The following PCNX1 variants were observed in gnomAD, a reference collection of about 807,000 sequenced individuals.
PCNX1 encodes the protein pecanex-like protein 1.
PCNX1 carries 78 observed loss-of-function variants against 242.2 expected under a neutral mutation model. That is an observed-to-expected ratio of 0.32 (90% CI 0.27 to 0.39). The LOEUF is 0.39. Ranked by LOEUF, PCNX1 falls within the 10% of genes least tolerant of loss-of-function variation. The pLI, the probability that PCNX1 is intolerant of heterozygous loss-of-function variation, is 1.00. For synonymous variants in PCNX1, 1,024 were observed against 1,032.9 expected (o/e 0.99, Z 0.17); for missense variants, 2,581 against 2,856.5 (o/e 0.90, Z 2.20).
chr14:71,059,203 T>C (rs2061260953), intron 26 of PCNX1, among the ~76,000 whole-genome samples: 1 of 152,202 alleles, frequency 6.6e-6, no homozygotes, highest in East Asian at 1.9e-4. Context: ...AGAAAAGTTA[T>C]CCAGATTTTT....
chr14:71,034,239 T>G (rs1323043646), intron 18 of PCNX1, among the ~76,000 whole-genome samples: 2 of 152,176 alleles, frequency 1.3e-5, no homozygotes, highest in African/African-American at 2.4e-5. Flanking sequence ...TTGGTTTGTG[T>G]GTAGAACAGA....
chr14:71,036,129 A>G lies in PCNX1; in HGVS notation c.3839A>G (p.His1280Arg). 1 of 1,604,396 alleles carries G rather than the reference A, an allele frequency of 6.2e-7. No individual in the cohort carries two copies. Among genetic ancestry groups the G allele is most frequent in the Admixed American group, 1.7e-5 (1 of 59,982 alleles). Residue 1280 changes from histidine to arginine, a missense_variant, in exon 19 of 36, where the codon CAT becomes CGT. Physicochemically the swap from His to Arg is conservative, Grantham distance 29 (BLOSUM62 0). Coordinates refer to ENST00000304743, the MANE Select transcript of PCNX1 (RefSeq NM_014982.3). The stretch of plus-strand genomic sequence containing the variant: ...ATTGGTGTGCTGTATTTTGCTATTC[A>G]TGTAAGCACAGTCTTCACAGTATTG... ...IVIGVLYFAIHVSTVFTVLQP... is the reference protein window; with the variant it reads ...IVIGVLYFAIRVSTVFTVLQP...
intron 1 of PCNX1, among the ~76,000 whole-genome samples, chr14:70,910,920 A>G (rs1444668771): frequency 4.6e-5 from 7 of 152,194 alleles, no homozygotes; most frequent in Admixed American, 4.6e-4. Context: ...AGGAAAGGGT[A>G]AGTAAAGAGG....
chr14:71,050,412 G>A (rs2060993885), intron 22 of PCNX1, among the ~76,000 whole-genome samples: 1 of 151,990 alleles, frequency 6.6e-6, no homozygotes, highest in African/African-American at 2.4e-5. Flanking sequence ...TTAAACAGAT[G>A]AAACATAAAT....
rs1470403334 is a variant in PCNX1, at chr14:71,013,006, T to C, written c.2800T>C (p.Leu934=). 3.7e-6 allele frequency: 6 copies of C among 1,613,614 alleles called. No homozygotes were observed. Among genetic ancestry groups the C allele is most frequent in the African/African-American group, 1.3e-5 (1 of 74,906 alleles). The change falls in exon 11 of 36, where the codon TTG becomes CTG. Residue 934 remains leucine, a synonymous_variant. Transcript: ENST00000304743. ...HDVLSLPQIR[L]NRLLTIDTDL... ...TTAGCTCTCTCTCCCACAGATTCGA[T>C]TGAATAGACTATTGACCATTGATAC...
At chr14:70,912,433 T>C (rs1429486142) in intron 1 of PCNX1, among the ~76,000 whole-genome samples, 2 of 152,038 alleles carry the variant, frequency 1.3e-5, no homozygotes, top group Non-Finnish European at 2.9e-5. Context: ...TTGATCAATA[T>C]TCCTAACTAC....
chr14:70,987,707 G>C (rs935936399), intron 6 of PCNX1, among the ~76,000 whole-genome samples: 1 of 152,030 alleles, frequency 6.6e-6, no homozygotes, highest in Middle Eastern at 3.2e-3. Flanking sequence ...AACCCAAATC[G>C]GTCAATTTTT....
intron 2 of PCNX1, among the ~76,000 whole-genome samples, chr14:70,953,849 G>C (rs1466357291): frequency 2.0e-5 from 3 of 151,740 alleles, no homozygotes; most frequent in African/African-American, 7.3e-5. Context: ...TGTATTTTTA[G>C]TAGAGTTGGG....
intron 7 of PCNX1, among the ~76,000 whole-genome samples, chr14:70,991,147 A>G (rs981166412): frequency 6.7e-6 from 1 of 149,156 alleles, no homozygotes; most frequent in Non-Finnish European, 1.5e-5. Flanking sequence ...CAATTTTCCC[A>G]TGTTTTTCTA....
intron 28 of PCNX1, among the ~76,000 whole-genome samples, chr14:71,079,979 T>A (rs2061812224): frequency 6.6e-6 from 1 of 152,234 alleles, no homozygotes; most frequent in Non-Finnish European, 1.5e-5. Context: ...TGCCTAGGTT[T>A]TCTTCTAGAG....
intron 2 of PCNX1, among the ~76,000 whole-genome samples, chr14:70,949,509 T>G (rs2057693146): frequency 6.6e-6 from 1 of 152,072 alleles, no homozygotes; most frequent in African/African-American, 2.4e-5. Flanking sequence ...ATTGTGATAT[T>G]TTACTTGACA....
chr14:70,993,357 T>G (rs1014477163), intron 7 of PCNX1, among the ~76,000 whole-genome samples: 4 of 152,026 alleles, frequency 2.6e-5, no homozygotes, highest in Non-Finnish European at 5.9e-5. Context: ...CTCGATCTCC[T>G]GACCTTGTGA....
chr14:71,110,652 AGTGTGTACTTCAT>A lies in PCNX1; in HGVS notation c.*719_*731del, dbSNP rs1566816458. 1 of 152,342 alleles carries A rather than the reference AGTGTGTACTTCAT, an allele frequency of 6.6e-6. No homozygotes were observed. The highest frequency in any genetic ancestry group is 1.5e-5 in the Non-Finnish European group (1 of 68,130). 9.4% of individuals were successfully genotyped at this position (152,342 alleles called of 1,614,324 possible). A position where few individuals can be genotyped will look rare whatever the true frequency, so the allele number is the denominator to read the frequency against. On this transcript the variant is annotated 3_prime_UTR_variant, in exon 36 of 36. Transcript: ENST00000304743. ...CTGTGCTGCTCATTTTTCTGTTAGT[AGTGTGTACTTCAT>A]GCCAGGACATTGGGTATTTTCTTTA...
intron 23 of PCNX1, among the ~76,000 whole-genome samples, 175 bp downstream of exon 23, chr14:71,050,935 G>A (rs1186811698): frequency 1.3e-5 from 2 of 152,044 alleles, no homozygotes; most frequent in African/African-American, 2.4e-5. Flanking sequence ...CTGGGAGGCC[G>A]AGGCGGGCGG....
In PCNX1 at chr14:71,011,739, G is replaced by C. The variant is rs186171030; in HGVS notation, c.2778+190G>C. On this transcript the variant is annotated intron_variant, in intron 10 of 35. Coordinates refer to ENST00000304743, the MANE Select transcript of PCNX1 (RefSeq NM_014982.3). Reference sequence around the variant, plus strand: ...CTAAGTCCTTTGATAAGAAACAAAAGTACAAGGTTAAGAAACCCTGGCATA... The same window carrying C: ...CTAAGTCCTTTGATAAGAAACAAAACTACAAGGTTAAGAAACCCTGGCATA... The C allele has an allele frequency of 1.7e-4, 97 of 562,264 alleles. No homozygotes were observed. In the Admixed American group the frequency reaches 3.1e-3, roughly 18 times the overall value. The allele number at this position is 562,264 out of a possible 1,614,324, so 34.8% of individuals were successfully genotyped here. A position where few individuals can be genotyped will look rare whatever the true frequency, so the allele number is the denominator to read the frequency against.
intron 28 of PCNX1, among the ~76,000 whole-genome samples, chr14:71,084,760 C>T (rs1292187423): frequency 1.3e-5 from 2 of 152,204 alleles, no homozygotes; most frequent in African/African-American, 4.8e-5. Flanking sequence ...AATTTCAAGC[C>T]AGTAGATCTT....
intron 8 of PCNX1, among the ~76,000 whole-genome samples, chr14:71,008,801 T>C (rs1389125357): frequency 1.3e-5 from 2 of 152,096 alleles, no homozygotes; most frequent in Non-Finnish European, 2.9e-5. Context: ...ATTGCCTTCG[T>C]GGAAATTTAT....
intron 12 of PCNX1, among the ~76,000 whole-genome samples, chr14:71,022,840 G>C (rs1390951262): frequency 6.6e-6 from 1 of 152,088 alleles, no homozygotes; most frequent in East Asian, 1.9e-4. Flanking sequence ...ATGATGTCCT[G>C]TGAGAAATAC....
At chr14:70,928,977 G>A (rs112272720) in intron 1 of PCNX1, among the ~76,000 whole-genome samples, 17 of 152,282 alleles carry the variant, frequency 1.1e-4, no homozygotes, top group Admixed American at 2.6e-4. Flanking sequence ...AGGATAGGAT[G>A]AGTTAGTTTT....
Sources: gnomAD v4.1 joint callset for allele counts (sites outside exome capture counted in the v4.1 genomes callset) on GRCh38, gnomAD v4.1.1 for gene constraint, MANE v1.5 for transcripts, NCBI Gene and HGNC (gene_info 2026-07-23, HGNC 2026-07-21) for gene names.